CNIH3: variants seen among roughly 807,000 people sequenced by gnomAD.
CNIH3 encodes the protein protein cornichon homolog 3.
In CNIH3, 14 loss-of-function variants were observed where a neutral mutation model predicts 24.1. The ratio of observed to expected loss-of-function variants is 0.58; its 90% confidence interval spans 0.38 to 0.91. CNIH3 has a LOEUF of 0.91. Ranked by LOEUF, CNIH3 falls within the 40% of genes least tolerant of loss-of-function variation. The pLI is 0.00. For synonymous variants in CNIH3, 68 were observed against 73.8 expected, an observed-to-expected ratio of 0.92 and a Z score of 0.40; for missense variants, 178 against 196.8, an observed-to-expected ratio of 0.90 and a Z score of 0.57.
intron 1 of CNIH3, among the ~76,000 whole-genome samples, chr1:224,463,277 G>A (rs547476234): frequency 1.6e-4 from 25 of 152,232 alleles, no homozygotes; most frequent in Non-Finnish European, 2.8e-4. Context: ...GTGAGAGTCC[G>A]GTTTCTTCAT....
chr1:224,438,439 A>C (rs1674760774), intron 1 of CNIH3, among the ~76,000 whole-genome samples: 1 of 152,248 alleles, frequency 6.6e-6, no homozygotes, highest in Non-Finnish European at 1.5e-5. Flanking sequence ...ATAATAAAAC[A>C]TAAAACCAAC....
intron 1 of CNIH3, among the ~76,000 whole-genome samples, chr1:224,463,932 A>AG (rs1676049597): frequency 6.6e-6 from 1 of 151,464 alleles, no homozygotes; most frequent in Non-Finnish European, 1.5e-5. Flanking sequence ...CTGGGACTAC[A>AG]GGCACATGCC....
chr1:224,582,096 C>T (rs965142525), intron 4 of CNIH3, among the ~76,000 whole-genome samples: 2 of 152,196 alleles, frequency 1.3e-5, no homozygotes, highest in African/African-American at 2.4e-5. Context: ...GCTGGTTCCT[C>T]TTCCTGACAA....
At chr1:224,540,989 G>A (rs1035342046), downstream of CNIH3, among the ~76,000 whole-genome samples, 2 of 152,128 alleles carry the variant, frequency 1.3e-5, no homozygotes, top group Non-Finnish European at 2.9e-5. Context: ...TATAAATGCA[G>A]GTGGGTACCC....
At chr1:224,700,920 C>A (rs1417961618) in intron 3 of CNIH3, among the ~76,000 whole-genome samples, 1 of 152,218 alleles carries the variant, frequency 6.6e-6, no homozygotes, top group Non-Finnish European at 1.5e-5. Flanking sequence ...GCAGAGGTGC[C>A]ACTTGCTGAG....
At chr1:224,687,756 G>A (rs1343253312) in intron 3 of CNIH3, among the ~76,000 whole-genome samples, 1 of 152,208 alleles carries the variant, frequency 6.6e-6, no homozygotes, top group Non-Finnish European at 1.5e-5. Context: ...GGTGGGAGTT[G>A]CAGCAGAGAA....
intron 2 of CNIH3, among the ~76,000 whole-genome samples, chr1:224,535,697 G>A (rs1679255506): frequency 6.6e-6 from 1 of 152,198 alleles, no homozygotes. Context: ...ACACTACAAA[G>A]ATGTGAACAG....
downstream of CNIH3, among the ~76,000 whole-genome samples, chr1:224,542,386 T>C (rs114861039): frequency 4.1e-4 from 63 of 152,222 alleles, no homozygotes; most frequent in African/African-American, 1.5e-3. Context: ...TGACCTAAAA[T>C]GGAATGATCA....
downstream of CNIH3, chr1:224,537,455 C>G (rs1679330968): frequency 6.6e-6 from 1 of 152,256 alleles, no homozygotes; most frequent in African/African-American, 2.4e-5. Flanking sequence ...CCATTTGTCT[C>G]TTACCTACCT....
intron 3 of CNIH3, among the ~76,000 whole-genome samples, chr1:224,713,213 T>G (rs779015702): frequency 1.3e-5 from 2 of 152,158 alleles, no homozygotes; most frequent in Non-Finnish European, 2.9e-5. Flanking sequence ...GAAATCATAA[T>G]CAATGCACCT....
chr1:224,525,433 C>T (rs1424839645), intron 2 of CNIH3, among the ~76,000 whole-genome samples: 4 of 152,166 alleles, frequency 2.6e-5, no homozygotes, highest in South Asian at 2.1e-4. Context: ...TGCTCAGGTC[C>T]GCATAGCTTG....
intron 3 of CNIH3, among the ~76,000 whole-genome samples, chr1:224,715,862 C>T (rs917198644): frequency 6.6e-6 from 1 of 152,148 alleles, no homozygotes; most frequent in African/African-American, 2.4e-5. Flanking sequence ...TTCCCAGTAC[C>T]GCCACATTGA....
At chr1:224,713,744 T>C (rs1259037271) in intron 3 of CNIH3, among the ~76,000 whole-genome samples, 2 of 152,350 alleles carry the variant, frequency 1.3e-5, no homozygotes, top group East Asian at 3.9e-4. Context: ...AATCTGTTTA[T>C]TTTAGTGTTA....
chr1:224,687,092 A>G (rs1404426423), intron 3 of CNIH3, among the ~76,000 whole-genome samples: 2 of 152,202 alleles, frequency 1.3e-5, no homozygotes, highest in Non-Finnish European at 2.9e-5. Context: ...GACATGAGAC[A>G]GTGACTTCAA....
chr1:224,504,627 G>T (rs1466730004), intron 1 of CNIH3, among the ~76,000 whole-genome samples: 1 of 151,526 alleles, frequency 6.6e-6, no homozygotes, highest in African/African-American at 2.4e-5. Flanking sequence ...TGTGTCACTA[G>T]TCCAACCCCA....
Position 224,443,711 on chromosome 1 carries a change from A to ATT in CNIH3, n.203+8855_203+8856dup, listed in dbSNP as rs56248229. On this transcript the variant is annotated intron_variant and non_coding_transcript_variant, in intron 1 of 5. Coordinates refer to the CNIH3 transcript ENST00000471578. The stretch of plus-strand genomic sequence containing the variant: ...TCTATAGATATAGATATATATATAT[A>ATT]TTTTTTTAGGCTGCTTCTCTGAGAG... Among the ~76,000 whole-genome samples, 12 of 149,534 alleles carry ATT rather than the reference A, an allele frequency of 8.0e-5. No homozygotes were observed. The East Asian group carries it at 1.7e-3, about 22-fold the overall frequency.
At chr1:224,585,593 C>T (rs927476469) in intron 5 of CNIH3, among the ~76,000 whole-genome samples, 4 of 152,016 alleles carry the variant, frequency 2.6e-5, no homozygotes, top group African/African-American at 9.7e-5. Flanking sequence ...GTCCTCCTGC[C>T]TCAACCTCCC....
At chr1:224,646,009 A>C (rs765655619) in intron 1 of CNIH3, among the ~76,000 whole-genome samples, 1 of 152,170 alleles carries the variant, frequency 6.6e-6, no homozygotes, top group Non-Finnish European at 1.5e-5. Context: ...AGTTGTATTT[A>C]ATTATATTCA....
At chr1:224,569,554 T>G (rs1680729092) in intron 4 of CNIH3, among the ~76,000 whole-genome samples, 1 of 152,186 alleles carries the variant, frequency 6.6e-6, no homozygotes. Context: ...CATGCGGACC[T>G]GCTGGATTAC....
Sources: gnomAD v4.1 joint callset for allele counts (sites outside exome capture counted in the v4.1 genomes callset) on GRCh38, gnomAD v4.1.1 for gene constraint, MANE v1.5 for transcripts, NCBI Gene and HGNC (gene_info 2026-07-23, HGNC 2026-07-21) for gene names.